GAREM1: variants seen among roughly 807,000 people sequenced by gnomAD.
GAREM1 encodes GRB2 associated regulator of MAPK1 subtype 1, also known as GRB2-associated and regulator of MAPK protein 1.
Under a neutral mutation model 71.3 loss-of-function variants are expected in GAREM1, and 26 were observed. That is an observed-to-expected ratio of 0.36 (90% CI 0.27 to 0.51). The LOEUF (loss-of-function observed/expected upper bound fraction) is 0.51. Ranked by LOEUF, GAREM1 falls within the 20% of genes least tolerant of loss-of-function variation. The probability of loss-of-function intolerance (pLI) is 0.95; values close to 1 mark genes in which losing one functional copy is unlikely to be tolerated. For missense variants in GAREM1, 1,026 were observed against 1,103.1 expected (o/e 0.93, Z 0.99); for synonymous variants, 440 against 433.2 (o/e 1.02, Z -0.20).
chr18:32,365,864 T>A (rs2047924765), intron 2 of GAREM1, among the ~76,000 whole-genome samples: 1 of 152,182 alleles, frequency 6.6e-6, no homozygotes, highest in African/African-American at 2.4e-5. Context: ...GTAATACATT[T>A]CATAAGTAAA....
intron 3 of GAREM1, among the ~76,000 whole-genome samples, chr18:32,290,970 A>G (rs2047077498): frequency 1.3e-5 from 2 of 152,336 alleles, no homozygotes; most frequent in South Asian, 4.1e-4. Context: ...TCCATCCAGC[A>G]ATCCTACATC....
chr18:32,374,646 G>C, intron 2 of GAREM1, among the ~76,000 whole-genome samples: 1 of 152,164 alleles, frequency 6.6e-6, no homozygotes, highest in East Asian at 1.9e-4. Flanking sequence ...AAATGCCTGA[G>C]TGATTCTAAA....
chr18:32,429,675 G>A (rs1337579027), intron 1 of GAREM1, among the ~76,000 whole-genome samples: 4 of 152,134 alleles, frequency 2.6e-5, no homozygotes, highest in East Asian at 1.9e-4. Context: ...CTATGTTTCC[G>A]GCTTAGGTGC....
In GAREM1 at chr18:32,266,908, C is replaced by A. The variant is rs532244833; in HGVS notation, c.*963G>T. ...GTATTACATGCAAAAACCAGCCCTGCGGTGAGTGGGCTTAAACTCAAACTT... is the reference window on the plus strand; with the variant it reads ...GTATTACATGCAAAAACCAGCCCTGAGGTGAGTGGGCTTAAACTCAAACTT... On this transcript the variant is annotated 3_prime_UTR_variant, in exon 6 of 6. Transcript: ENST00000269209. The A allele has an allele frequency of 1.3e-5, 2 of 152,280 alleles. No individual in the cohort carries two copies. The highest frequency in any genetic ancestry group is 1.9e-4 in the East Asian group (1 of 5,190). 9.4% of individuals were successfully genotyped at this position (152,280 alleles called of 1,614,324 possible).
intron 1 of GAREM1, among the ~76,000 whole-genome samples, chr18:32,439,798 A>G (rs1264809217): frequency 2.6e-5 from 4 of 152,138 alleles, no homozygotes; most frequent in Admixed American, 6.5e-5. Flanking sequence ...CTAAGTCTCA[A>G]TCAGCCACCA....
intron 1 of GAREM1, among the ~76,000 whole-genome samples, chr18:32,454,413 T>C (rs2048868989): frequency 6.6e-6 from 1 of 152,018 alleles, no homozygotes; most frequent in Non-Finnish European, 1.5e-5. Context: ...TTAGAATCAA[T>C]GAAATATGTT....
At chr18:32,364,018 A>ATGGTTTTTTT (rs1598991444) in intron 2 of GAREM1, among the ~76,000 whole-genome samples, 1 of 48,228 alleles carries the variant, frequency 2.1e-5, no homozygotes, top group Non-Finnish European at 3.5e-5. Context: ...ATATATATAT[A>ATGGTTTTTTT]TATATATATG....
At chr18:32,284,957 G>A (rs2046997595) in intron 4 of GAREM1, among the ~76,000 whole-genome samples, 1 of 151,952 alleles carries the variant, frequency 6.6e-6, no homozygotes, top group Non-Finnish European at 1.5e-5. Flanking sequence ...CACCGTGTTA[G>A]CCAGGATGGT....
chr18:32,378,515 A>AC (rs999325114), intron 2 of GAREM1, among the ~76,000 whole-genome samples: 3 of 151,278 alleles, frequency 2.0e-5, no homozygotes, highest in Non-Finnish European at 4.4e-5. Context: ...AAAAAAAAAA[A>AC]CAAAAAGCAA....
At position 32,263,990 on chromosome 18, in the gene GAREM1, A is replaced by G; in HGVS notation, c.*3881T>C. On this transcript the variant is annotated 3_prime_UTR_variant, in exon 6 of 6. Transcript: ENST00000269209. ...AGATATTTGTATATAGTTTAAACTG[A>G]AATCACGTTTATTCCTTGTTTCTGG... 1 of 152,234 alleles carries G rather than the reference A, an allele frequency of 6.6e-6. No individual in the cohort carries two copies. Among genetic ancestry groups the G allele is most frequent in the South Asian group, 2.1e-4 (1 of 4,828 alleles). The allele number at this position is 152,234 out of a possible 1,614,324, so 9.4% of individuals were successfully genotyped here.
Position 32,470,340 on chromosome 18 carries a change from T to G in GAREM1, c.89A>C (p.Tyr30Ser). ...AVPLDLLVST[Y>S]RLPQIARLDN... ...CAGGCGCGCGATCTGGGGCAGCCGG[T>G]AAGTGCTGACCAGGAGGTCGAGCGG... Residue 30 changes from tyrosine (Y) to serine (S), a missense_variant, in exon 1 of 6, where the codon TAC becomes TCC. By Grantham distance (144) the Tyr-to-Ser change is moderately radical (BLOSUM62 -2). Transcript: ENST00000269209. This position sits in a 1 kb window ranked among gnomAD's most constrained non-coding sequence, Gnocchi z 4.4. The G allele has an allele frequency of 6.4e-7, 1 of 1,567,156 alleles. No individual in the cohort carries two copies. The highest frequency in any genetic ancestry group is 8.6e-7 in the Non-Finnish European group (1 of 1,159,282).
chr18:32,277,579 A>G (rs1014569031), intron 4 of GAREM1, among the ~76,000 whole-genome samples: 1 of 152,238 alleles, frequency 6.6e-6, no homozygotes, highest in Admixed American at 6.5e-5. Context: ...TGCAACTCCA[A>G]TCTATGGTCC....
intron 1 of GAREM1, among the ~76,000 whole-genome samples, chr18:32,460,659 G>A (rs546412688): frequency 3.9e-5 from 6 of 152,284 alleles, no homozygotes; most frequent in East Asian, 1.9e-4. Context: ...ATTAGCAGTC[G>A]TAGTTTTGTA....
At chr18:32,423,782 T>C (rs2048544772) in intron 1 of GAREM1, among the ~76,000 whole-genome samples, 1 of 152,192 alleles carries the variant, frequency 6.6e-6, no homozygotes, top group Admixed American at 6.5e-5. Flanking sequence ...TATTTTGTAC[T>C]TCAACACACA....
intron 2 of GAREM1, among the ~76,000 whole-genome samples, chr18:32,342,344 A>G (rs987388743): frequency 2.6e-5 from 4 of 152,100 alleles, no homozygotes; most frequent in African/African-American, 4.8e-5. Flanking sequence ...GGCTAGTCTC[A>G]TCCTCCACGC....
intron 1 of GAREM1, among the ~76,000 whole-genome samples, chr18:32,402,462 G>A (rs1230212970): frequency 6.6e-6 from 1 of 152,052 alleles, no homozygotes; most frequent in Non-Finnish European, 1.5e-5. Flanking sequence ...TTTATAAAGT[G>A]GACATGCACA....
intron 4 of GAREM1, among the ~76,000 whole-genome samples, chr18:32,275,159 G>A (rs1449675709): frequency 2.0e-5 from 3 of 152,140 alleles, no homozygotes; most frequent in Non-Finnish European, 4.4e-5. Context: ...CTTTGACACA[G>A]TGTCATGGTG....
At chr18:32,444,743 G>C (rs940875724) in intron 1 of GAREM1, among the ~76,000 whole-genome samples, 5 of 152,092 alleles carry the variant, frequency 3.3e-5, no homozygotes, top group Non-Finnish European at 5.9e-5. Flanking sequence ...AATTAACCTA[G>C]TGCTAGCAAG....
intron 1 of GAREM1, among the ~76,000 whole-genome samples, chr18:32,457,220 A>ATGTGTGTGTGTGT (rs1568018903): frequency 1.8e-5 from 2 of 109,398 alleles, no homozygotes; most frequent in African/African-American, 7.1e-5. Flanking sequence ...AGAGAGAGAG[A>ATGTGTGTGTGTGT]GAGAGAGTGT....
Sources: allele counts gnomAD v4.1 joint callset (sites outside exome capture counted in the v4.1 genomes callset), GRCh38; gene constraint gnomAD v4.1.1; non-coding constraint Gnocchi (gnomAD v3.1); transcripts MANE v1.5; gene names NCBI Gene and HGNC (gene_info 2026-07-23, HGNC 2026-07-21).